Variants in HEMK2 observed in about 807,000 individuals in gnomAD.
HEMK2 encodes HemK methyltransferase 2, ETF1 glutamine and histone H4 lysine.
At chr21:28,822,193 T>C in the HEMK2 span, among the ~76,000 whole-genome samples, 1 of 152,198 alleles carries the variant, frequency 6.6e-6, no homozygotes, top group African/African-American at 2.4e-5. Flanking sequence ...AGCCAATCAG[T>C]TTAGAAGCAC....
chr21:28,765,351 C>T, the HEMK2 span, among the ~76,000 whole-genome samples: 459 of 152,162 alleles, frequency 3.0e-3, 1 homozygote, highest in African/African-American at 0.01. Flanking sequence ...ACTCAAACTC[C>T]GGATGTACAG....
chr21:28,758,655 G>A, the HEMK2 span, among the ~76,000 whole-genome samples: 22,061 of 152,130 alleles, frequency 0.15, 1,832 homozygotes, highest in East Asian at 0.25. Flanking sequence ...TAAAACCAAC[G>A]TGCTCTTAAT....
chr21:28,611,217 G>T, the HEMK2 span, among the ~76,000 whole-genome samples: 8 of 152,042 alleles, frequency 5.3e-5, no homozygotes, highest in Non-Finnish European at 1.2e-4. Context: ...GACCAAAGTG[G>T]AATAAAATTG....
chr21:28,580,291 T>A, the HEMK2 span, among the ~76,000 whole-genome samples: 2 of 152,150 alleles, frequency 1.3e-5, no homozygotes, highest in Non-Finnish European at 2.9e-5. Context: ...TCTTGGCCTG[T>A]TCCCATCATG....
At chr21:28,586,492 A>G in the HEMK2 span, among the ~76,000 whole-genome samples, 107,529 of 152,026 alleles carry the variant, frequency 0.71, 38,738 homozygotes, top group South Asian at 0.78. Flanking sequence ...CTGCCATCTC[A>G]AAACCCCCAT....
At chr21:28,843,077 T>G in the HEMK2 span, among the ~76,000 whole-genome samples, 1 of 152,154 alleles carries the variant, frequency 6.6e-6, no homozygotes, top group African/African-American at 2.4e-5. Context: ...TTTTGTCTAG[T>G]CACTATTGGC....
chr21:28,845,857 G>A, the HEMK2 span, among the ~76,000 whole-genome samples: 2 of 151,982 alleles, frequency 1.3e-5, no homozygotes, highest in Admixed American at 1.3e-4. Flanking sequence ...GGTAAATTGT[G>A]TGTCATGGGG....
At chr21:28,731,631 A>C in the HEMK2 span, among the ~76,000 whole-genome samples, 1 of 151,488 alleles carries the variant, frequency 6.6e-6, no homozygotes, top group Non-Finnish European at 1.5e-5. Context: ...GGGGAGGGAT[A>C]GCATTAGGAG....
chr21:28,794,830 A>AAC, the HEMK2 span, among the ~76,000 whole-genome samples: 1 of 152,190 alleles, frequency 6.6e-6, no homozygotes, highest in African/African-American at 2.4e-5. Flanking sequence ...GGTTCTATGT[A>AAC]ACATGAGACT....
At chr21:28,756,096 GC>G in the HEMK2 span, among the ~76,000 whole-genome samples, 3,716 of 152,238 alleles carry the variant, frequency 0.024, 154 homozygotes, top group African/African-American at 0.086. Flanking sequence ...CAGACACAAG[GC>G]CAGTTCTGGC....
the HEMK2 span, among the ~76,000 whole-genome samples, chr21:28,751,917 A>G: frequency 6.6e-6 from 1 of 152,154 alleles, no homozygotes; most frequent in Non-Finnish European, 1.5e-5. Flanking sequence ...CAGCCTCCCA[A>G]AGTGCTAGGA....
chr21:28,666,921 T>C, the HEMK2 span, among the ~76,000 whole-genome samples: 1 of 152,136 alleles, frequency 6.6e-6, no homozygotes, highest in East Asian at 1.9e-4. Flanking sequence ...TATGCAGTAA[T>C]CTGAAAGTAT....
At chr21:28,685,298 C>T in the HEMK2 span, among the ~76,000 whole-genome samples, 1 of 152,096 alleles carries the variant, frequency 6.6e-6, no homozygotes, top group East Asian at 1.9e-4. Flanking sequence ...GTACAATACA[C>T]TATGATATGT....
the HEMK2 span, among the ~76,000 whole-genome samples, chr21:28,742,424 T>C: frequency 6.6e-6 from 1 of 152,146 alleles, no homozygotes; most frequent in Non-Finnish European, 1.5e-5. Context: ...TCTAGGGACA[T>C]AAAAGAAGGT....
chr21:28,585,548 T>G, the HEMK2 span, among the ~76,000 whole-genome samples: 4 of 151,832 alleles, frequency 2.6e-5, no homozygotes, highest in Non-Finnish European at 5.9e-5. Flanking sequence ...AAGGCAGACT[T>G]TTTAAAATAA....
chr21:28,630,327 G>A, the HEMK2 span, among the ~76,000 whole-genome samples: 3 of 152,126 alleles, frequency 2.0e-5, no homozygotes, highest in Non-Finnish European at 4.4e-5. Flanking sequence ...TTACACTGTT[G>A]GTGGGACTGT....
the HEMK2 span, among the ~76,000 whole-genome samples, chr21:28,639,976 A>T: frequency 5.9e-4 from 90 of 152,294 alleles, no homozygotes; most frequent in Non-Finnish European, 1.1e-3. Flanking sequence ...GGAGGGAGAG[A>T]AAGAAAGGCT....
At chr21:28,761,943 G>A in the HEMK2 span, among the ~76,000 whole-genome samples, 16 of 152,198 alleles carry the variant, frequency 1.1e-4, no homozygotes, top group Admixed American at 9.2e-4. Context: ...TCACTAGACT[G>A]AGGTAGGAAA....
chr21:28,796,747 T>C, the HEMK2 span, among the ~76,000 whole-genome samples: 1 of 151,860 alleles, frequency 6.6e-6, no homozygotes, highest in African/African-American at 2.4e-5. Context: ...ATTAATTTAT[T>C]TTGTAGAAAC....
Sources: allele counts gnomAD v4.1 joint callset (sites outside exome capture counted in the v4.1 genomes callset), GRCh38; gene constraint gnomAD v4.1.1; transcripts MANE v1.5; gene names NCBI Gene and HGNC (gene_info 2026-07-23, HGNC 2026-07-21).